YES1: variants seen among roughly 807,000 people sequenced by gnomAD.
YES1 encodes YES proto-oncogene 1, Src family tyrosine kinase.
A neutral mutation model predicts 70.4 loss-of-function variants in YES1; 39 were observed. That is an observed-to-expected ratio of 0.55 (90% confidence interval 0.43 to 0.72). YES1 has a LOEUF of 0.72. Among genes scored for constraint, YES1 ranks in the 30% least tolerant of loss-of-function variants. The pLI is 0.00. For synonymous variants in YES1, 198 were observed against 218.6 expected, an observed-to-expected ratio of 0.91 and a Z score of 0.83; for missense variants, 495 against 644.8, an observed-to-expected ratio of 0.77 and a Z score of 2.52.
intron 10 of YES1, 62 bp from the exon 11 acceptor site, chr18:733,027 C>T: frequency 6.5e-7 from 1 of 1,532,410 alleles, no homozygotes. Flanking sequence ...GTAAACATAG[C>T]ATATGCAGGG....
chr18:756,438 A>G (rs2080406947), intron 2 of YES1, 119 bp downstream of exon 2: 2 of 1,318,104 alleles, frequency 1.5e-6, no homozygotes, highest in East Asian at 2.4e-5. Flanking sequence ...ATTTTCACAT[A>G]CAATTATTTG....
At chr18:745,108 T>G (rs554678014) in intron 6 of YES1, among the ~76,000 whole-genome samples, 222 of 152,172 alleles carry the variant, frequency 1.5e-3, no homozygotes, top group African/African-American at 5.0e-3. Context: ...AAACATCCCC[T>G]CTCCTAGTAT....
chr18:809,317 T>C (rs149540619), intron 1 of YES1, among the ~76,000 whole-genome samples: 1 of 152,320 alleles, frequency 6.6e-6, no homozygotes, highest in African/African-American at 2.4e-5. Context: ...ACTTTTTTTT[T>C]TGGAGACAGT....
At chr18:757,895 C>CA (rs1270780332) in intron 1 of YES1, among the ~76,000 whole-genome samples, 11 of 150,718 alleles carry the variant, frequency 7.3e-5, no homozygotes, top group Non-Finnish European at 1.6e-4. Flanking sequence ...AGAAAGAAAA[C>CA]AAAATAGAAA....
intron 1 of YES1, among the ~76,000 whole-genome samples, chr18:795,217 A>C (rs575780888): frequency 2.6e-5 from 4 of 152,350 alleles, no homozygotes; most frequent in African/African-American, 9.6e-5. Flanking sequence ...ACTGTACTGC[A>C]GTTGTATAAG....
intron 1 of YES1, among the ~76,000 whole-genome samples, chr18:776,140 C>T (rs1480298258): frequency 1.3e-5 from 2 of 152,128 alleles, no homozygotes; most frequent in African/African-American, 4.8e-5. Context: ...TTTATACTCT[C>T]ACCAGCAAGC....
chr18:731,046 C>A (rs1466705944), intron 11 of YES1, among the ~76,000 whole-genome samples: 1 of 152,076 alleles, frequency 6.6e-6, no homozygotes, highest in Non-Finnish European at 1.5e-5. Context: ...GAAAAGGTGG[C>A]AGAAACAGTG....
At chr18:752,850 G>T (rs527390066) in intron 2 of YES1, among the ~76,000 whole-genome samples, 44 of 152,268 alleles carry the variant, frequency 2.9e-4, no homozygotes, top group African/African-American at 9.4e-4. Flanking sequence ...GGTTGAGACA[G>T]GAGAATCGCT....
intron 1 of YES1, among the ~76,000 whole-genome samples, chr18:787,617 G>C (rs1424182517): frequency 1.3e-5 from 2 of 151,890 alleles, no homozygotes; most frequent in African/African-American, 4.8e-5. Flanking sequence ...GGCTAAGGCA[G>C]AAGAATCACT....
At position 754,712 on chromosome 18, in the gene YES1, CAA is replaced by C. The variant is rs35530008; in HGVS notation, c.271+1843_271+1844del. On this transcript the variant is annotated intron_variant, in intron 2 of 11. Coordinates refer to ENST00000314574, the MANE Select transcript of YES1 (RefSeq NM_005433.4). ...GGGTGACAGAGAGAGACTCCAACTC[CAA>C]AAAAAAAAAAAAAAAATCTCAGCTC... Among the ~76,000 whole-genome samples the C allele has an allele frequency of 2.6e-3, 357 of 135,226 alleles. 3 individuals are homozygous for C. Among genetic ancestry groups the C allele is most frequent in the Admixed American group, 2.3e-3 (31 of 13,352 alleles). 88.7% of individuals were successfully genotyped at this position (135,226 alleles called of 152,430 possible). A position where few individuals can be genotyped will look rare whatever the true frequency, so the allele number is the denominator to read the frequency against.
intron 2 of YES1, 74 bp from the exon 3 acceptor site, chr18:751,878 G>C: frequency 2.5e-6 from 2 of 804,346 alleles, no homozygotes; most frequent in South Asian, 1.6e-5. Flanking sequence ...ACTATTGCCA[G>C]CCAAAAAAAA....
At chr18:747,891 A>T in intron 4 of YES1, 29 bp downstream of exon 4, 9 of 1,598,096 alleles carry the variant, frequency 5.6e-6, no homozygotes, top group Non-Finnish European at 7.7e-6. Context: ...AAATCAAAAT[A>T]ATTAATAAAA....
chr18:738,414 G>C (rs1214445496), intron 9 of YES1: 1 of 152,348 alleles, frequency 6.6e-6, no homozygotes, highest in Non-Finnish European at 1.5e-5. Flanking sequence ...ATTCAGGCCA[G>C]GTGCAGTGGC....
rs1348485947 is a variant in YES1, at chr18:739,808, C to T, written c.1064G>A (p.Ser355Asn). 8 of 1,607,712 alleles carry T rather than the reference C, an allele frequency of 5.0e-6. No individual in the cohort carries two copies. In the Admixed American group the frequency reaches 6.8e-5, roughly 14 times the overall value. Residue 355 changes from serine to asparagine, a missense_variant, in exon 9 of 12, where the codon AGC becomes AAC. Around this residue, in one of 2 missense-constraint regions of YES1, gnomAD observed 385 missense variants for 540.9 expected, o/e 0.71. Coordinates refer to ENST00000314574, the MANE Select transcript of YES1 (RefSeq NM_005433.4). ...YIVTEFMSKG[S>N]LLDFLKEGDG... The stretch of plus-strand genomic sequence containing the variant: ...TCCTTCCTTAAGGAAATCTAATAAG[C>T]TTCCTGTAACAGACAGCAAGATATT...
chr18:770,248 A>G (rs928908631), intron 1 of YES1, among the ~76,000 whole-genome samples: 16 of 149,282 alleles, frequency 1.1e-4, no homozygotes, highest in Non-Finnish European at 1.9e-4. Context: ...GCTGTGAGCC[A>G]CTGCGCCCGG....
intron 1 of YES1, among the ~76,000 whole-genome samples, chr18:796,578 C>T (rs770792682): frequency 5.9e-5 from 9 of 151,974 alleles, no homozygotes; most frequent in Non-Finnish European, 1.2e-4. Flanking sequence ...GACCAGCCTG[C>T]CCAACATAGT....
chr18:754,907 A>C (rs1035961365), intron 2 of YES1, among the ~76,000 whole-genome samples: 8 of 152,182 alleles, frequency 5.3e-5, no homozygotes. Context: ...ATCAGAACAG[A>C]AACTTTGTCT....
chr18:787,462 C>G (rs1038512477), intron 1 of YES1, among the ~76,000 whole-genome samples: 2 of 152,136 alleles, frequency 1.3e-5, no homozygotes, highest in Admixed American at 6.5e-5. Flanking sequence ...GTAATCCCAG[C>G]AATTTCGGAG....
chr18:763,422 T>TGGC (rs1904695017), intron 1 of YES1, among the ~76,000 whole-genome samples: 1 of 151,904 alleles, frequency 6.6e-6, no homozygotes. Context: ...CAGCCAGGTG[T>TGGC]GGCGGCTCAT....
Sources: gnomAD v4.1 joint callset for allele counts (sites outside exome capture counted in the v4.1 genomes callset) on GRCh38, gnomAD v4.1.1 for gene constraint, gnomAD v4.1.1 regional missense constraint, MANE v1.5 for transcripts, NCBI Gene and HGNC (gene_info 2026-07-23, HGNC 2026-07-21) for gene names.